The following PIAS1 variants were observed in gnomAD, a reference collection of about 807,000 sequenced individuals.
PIAS1 encodes E3 SUMO-protein ligase PIAS1.
A neutral mutation model predicts 71.3 loss-of-function variants in PIAS1; 6 were observed. The observed-to-expected ratio is 0.08, with a 90% CI of 0.05 to 0.17. The LOEUF (loss-of-function observed/expected upper bound fraction) is 0.17, where lower values mean the gene tolerates loss of function less well. PIAS1 is among the 10% of genes least tolerant of loss of function. The pLI, the probability that PIAS1 is intolerant of heterozygous loss-of-function variation, is 1.00. For synonymous variants in PIAS1, 303 were observed against 292.9 expected (o/e 1.03, Z -0.35); for missense variants, 555 against 793.6 (o/e 0.70, Z 3.61).
At chr15:68,105,754 TGAGCCCAG>T (rs943259241) in intron 2 of PIAS1, among the ~76,000 whole-genome samples, 1 of 152,140 alleles carries the variant, frequency 6.6e-6, no homozygotes, top group Non-Finnish European at 1.5e-5. Flanking sequence ...GAGAGTCGGT[TGAGCCCAG>T]GAGTTCCAAA....
intron 5 of PIAS1, among the ~76,000 whole-genome samples, 178 bp from the exon 6 acceptor site, chr15:68,146,388 T>C (rs1307814125): frequency 6.6e-6 from 1 of 152,072 alleles, no homozygotes; most frequent in Admixed American, 6.6e-5. Flanking sequence ...ATAAGGAGAG[T>C]ATAAGGTTGT....
chr15:68,182,287 A>G (rs1430325543), intron 12 of PIAS1, among the ~76,000 whole-genome samples: 1 of 126,158 alleles, frequency 7.9e-6, no homozygotes, highest in Admixed American at 8.3e-5. Context: ...TAATAATTTG[A>G]ATATTAGTCA....
chr15:68,097,584 C>T (rs2092387557), intron 2 of PIAS1, among the ~76,000 whole-genome samples: 2 of 152,054 alleles, frequency 1.3e-5, no homozygotes, highest in Admixed American at 1.3e-4. Context: ...AGGCACGCAC[C>T]ACCACGCCCA....
intron 1 of PIAS1, among the ~76,000 whole-genome samples, chr15:68,085,787 A>G (rs935320533): frequency 3.3e-5 from 5 of 152,266 alleles, no homozygotes; most frequent in Admixed American, 2.0e-4. Flanking sequence ...ACTTAAGTCT[A>G]CAAATTCCAG....
chr15:68,191,628 A>G lies in PIAS1; in HGVS notation c.*3793A>G, dbSNP rs554513431. ...GCATGCTTTGAGGTAAGTAATGAAT[A>G]TAGCCATCATTTCCCTTTCTTGTTG... On this transcript the variant is annotated 3_prime_UTR_variant, in exon 14 of 14. Transcript: ENST00000249636. The G allele has an allele frequency of 8.5e-5, 13 of 152,786 alleles. No homozygotes were observed. Among genetic ancestry groups the G allele is most frequent in the African/African-American group, 3.1e-4 (13 of 41,596 alleles). The allele number at this position is 152,786 out of a possible 1,614,324, so 9.5% of individuals were successfully genotyped here.
At chr15:68,113,041 GGTTT>G (rs1308408377) in intron 2 of PIAS1, among the ~76,000 whole-genome samples, 2 of 151,922 alleles carry the variant, frequency 1.3e-5, no homozygotes, top group African/African-American at 2.4e-5. Context: ...TGATGACATT[GGTTT>G]GTTTATTTAT....
At position 68,190,616 on chromosome 15, in the gene PIAS1, A is replaced by G. The variant is rs1314012097; in HGVS notation, c.*2781A>G. 1 of 146,166 alleles carries G rather than the reference A, an allele frequency of 6.8e-6. No individual in the cohort carries two copies. The highest frequency in any genetic ancestry group is 1.5e-5 in the Non-Finnish European group (1 of 66,972). The allele number at this position is 146,166 out of a possible 1,614,324, so 9.1% of individuals were successfully genotyped here. A position where few individuals can be genotyped will look rare whatever the true frequency, so the allele number is the denominator to read the frequency against. On this transcript the variant is annotated 3_prime_UTR_variant, in exon 14 of 14. Coordinates refer to ENST00000249636, the MANE Select transcript of PIAS1 (RefSeq NM_016166.3). The surrounding 1 kb of genome is among the most constrained non-coding windows in gnomAD (Gnocchi z 4.7). ...TTGGCCGTTCATAGTAGGTATGCAT[A>G]TGTTTGTTTCTGTACAGTACTGTGT...
At chr15:68,156,393 G>A (rs541068202) in intron 7 of PIAS1, among the ~76,000 whole-genome samples, 2 of 152,178 alleles carry the variant, frequency 1.3e-5, no homozygotes, top group Non-Finnish European at 2.9e-5. Flanking sequence ...GAAAAGGCCA[G>A]TGCAGCTGGA....
chr15:68,131,146 AG>A (rs1315278529), intron 2 of PIAS1, among the ~76,000 whole-genome samples: 3 of 152,316 alleles, frequency 2.0e-5, no homozygotes, highest in Middle Eastern at 3.4e-3. Flanking sequence ...AAACTTTAAA[AG>A]GTTTCATAAA....
chr15:68,060,641 A>T (rs2091948164), intron 1 of PIAS1, among the ~76,000 whole-genome samples: 2 of 152,214 alleles, frequency 1.3e-5, no homozygotes, highest in South Asian at 4.1e-4. Flanking sequence ...AATCCCCCAA[A>T]AAACAAACAC....
In PIAS1 at chr15:68,189,215, A is replaced by G. The variant is rs1210023171; in HGVS notation, c.*1380A>G. On this transcript the variant is annotated 3_prime_UTR_variant, in exon 14 of 14. Coordinates refer to ENST00000249636, the MANE Select transcript of PIAS1 (RefSeq NM_016166.3). Reference sequence around the variant, plus strand: ...AACTGTTTTTCAGGAGAGAAATATGAGTTGGAGGGAAGGAAAAGTGGTTCT... The same window carrying G: ...AACTGTTTTTCAGGAGAGAAATATGGGTTGGAGGGAAGGAAAAGTGGTTCT... 6.6e-6 allele frequency: 1 copy of G among 152,204 alleles called. No homozygotes were observed. Among genetic ancestry groups the G allele is most frequent in the African/African-American group, 2.4e-5 (1 of 41,454 alleles). The allele number at this position is 152,204 out of a possible 1,614,324, so 9.4% of individuals were successfully genotyped here.
chr15:68,158,739 G>A (rs561281585), intron 7 of PIAS1, among the ~76,000 whole-genome samples: 4 of 151,890 alleles, frequency 2.6e-5, no homozygotes, highest in East Asian at 3.9e-4. Context: ...GATTGTTTTC[G>A]GCCTTAAAAT....
Position 68,133,698 on chromosome 15 carries a change from T to TTA in PIAS1, c.470-8247_470-8246insAT, listed in dbSNP as rs1448023601. On this transcript the variant is annotated intron_variant, in intron 2 of 13. Transcript: ENST00000249636. ...TAGATTTTTATTTTTATTTTTTATT[T>TTA]TTTTTTTTGTTTTTTTAATTTAATT... 1.3e-3 allele frequency among the ~76,000 whole-genome samples: 2 copies of TTA among 1,598 alleles called. 1 individual carries two copies. The highest frequency in any genetic ancestry group is 1.3e-3 in the African/African-American group (2 of 1,544). 1.0% of individuals were successfully genotyped at this position (1,598 alleles called of 152,430 possible).
intron 7 of PIAS1, among the ~76,000 whole-genome samples, chr15:68,161,867 C>T (rs2092926650): frequency 9.0e-6 from 1 of 111,614 alleles, no homozygotes; most frequent in Admixed American, 9.4e-5. Flanking sequence ...GATGCAGAGG[C>T]TGCAGTCAAC....
rs148826574 is a variant in PIAS1 at position 68,106,593 on chromosome 15, C to G, written c.469+19843C>G. 3.8e-3 allele frequency among the ~76,000 whole-genome samples: 577 copies of G among 151,608 alleles called. 3 individuals carry two copies. The highest frequency in any genetic ancestry group is 0.014 in the African/African-American group (561 of 41,290). ...CAGTTGTCTCTCTTCATGTTTCCCC[C>G]ACCTTTGTCTGCCCCCTCCTTAGTT... On this transcript the variant is annotated intron_variant, in intron 2 of 13. Coordinates refer to ENST00000249636, the MANE Select transcript of PIAS1 (RefSeq NM_016166.3).
At chr15:68,135,147 AC>A (rs1235236113) in intron 2 of PIAS1, among the ~76,000 whole-genome samples, 38 of 27,326 alleles carry the variant, frequency 1.4e-3, no homozygotes, top group Non-Finnish European at 1.9e-3. Flanking sequence ...GCGGGGGCTG[AC>A]CCCCCCACCT....
rs538894806 is a variant in PIAS1, at chr15:68,071,020, A to G, written c.25-15286A>G. ...TATTTCCTTTGAACAGCACTTTTCT[A>G]GAGATATTACTGCTCATAAGTAGAA... On this transcript the variant is annotated intron_variant, in intron 1 of 13. Transcript: ENST00000249636. Among the ~76,000 whole-genome samples, 557 of 152,248 alleles carry G rather than the reference A, an allele frequency of 3.7e-3. 1 individual carries two copies. Among genetic ancestry groups the G allele is most frequent in the Non-Finnish European group, 6.1e-3 (415 of 68,018 alleles).
chr15:68,068,493 C>T (rs1440133857), intron 1 of PIAS1, among the ~76,000 whole-genome samples: 1 of 152,108 alleles, frequency 6.6e-6, no homozygotes, highest in Admixed American at 6.5e-5. Flanking sequence ...ACTCCTGTCA[C>T]CCAGGTTGGA....
chr15:68,079,245 C>G (rs1472504104), intron 1 of PIAS1, among the ~76,000 whole-genome samples: 1 of 152,088 alleles, frequency 6.6e-6, no homozygotes, highest in African/African-American at 2.4e-5. Flanking sequence ...TTTCTGAAGA[C>G]TAGTTTATTT....
Sources: allele counts gnomAD v4.1 joint callset (sites outside exome capture counted in the v4.1 genomes callset), GRCh38; gene constraint gnomAD v4.1.1; non-coding constraint Gnocchi (gnomAD v3.1); transcripts MANE v1.5; gene names NCBI Gene and HGNC (gene_info 2026-07-23, HGNC 2026-07-21).